RAB33A: variants seen among roughly 807,000 people sequenced by gnomAD.
The protein encoded by RAB33A is ras-related protein Rab-33A.
Under a neutral mutation model 12.0 loss-of-function variants are expected in RAB33A, and 6 were observed. The observed-to-expected ratio is 0.50, with a 90% CI of 0.27 to 0.99. RAB33A has a LOEUF of 0.99. Ranked by LOEUF, RAB33A falls within the 50% of genes least tolerant of loss-of-function variation. The probability of loss-of-function intolerance (pLI) is 0.11; values close to 1 mark genes in which losing one functional copy is unlikely to be tolerated. For missense variants in RAB33A, 109 were observed against 192.0 expected (o/e 0.57, Z 2.55); for synonymous variants, 70 against 82.4 (o/e 0.85, Z 0.81).
chrX:130,129,850 T>C, the RAB33A span: 5 of 934,611 alleles, frequency 5.3e-6, no homozygotes, highest in Non-Finnish European at 7.7e-6. Flanking sequence ...ACCTTTGTTC[T>C]GCTCAGGCAC....
chrX:130,172,288 A>G lies in RAB33A; in HGVS notation c.226A>G (p.Lys76Glu). 1 of 1,209,363 alleles carries G rather than the reference A, an allele frequency of 8.3e-7. No homozygotes were observed. The highest frequency in any genetic ancestry group is 1.1e-6 in the Non-Finnish European group (1 of 893,963). Residue 76 changes from lysine (K) to glutamate (E), a missense_variant, in exon 1 of 2, where the codon AAG becomes GAG. Lys to Glu is a moderately conservative substitution (Grantham distance 56). Coordinates refer to ENST00000257017, the MANE Select transcript of RAB33A (RefSeq NM_004794.3). ...CACCATCGGCGTGGACTTCAGGGAG[A>G]AGACCGTGGAAATCGAGGGCGAGAA... is the stretch of plus-strand genomic sequence containing the variant. Reference protein sequence around the residue: ...EATIGVDFREKTVEIEGEKIK... With the variant: ...EATIGVDFREETVEIEGEKIK...
chrX:130,154,072 C>T, the RAB33A span, among the ~76,000 whole-genome samples: 1 of 112,520 alleles, frequency 8.9e-6, no homozygotes, highest in African/African-American at 3.2e-5. Flanking sequence ...CAAAACTGTA[C>T]ATAACAGTTC....
the RAB33A span, among the ~76,000 whole-genome samples, chrX:130,146,476 TG>T: frequency 1.8e-5 from 2 of 108,145 alleles, no homozygotes; most frequent in African/African-American, 6.8e-5. Context: ...TGTGTGTGTG[TG>T]TGTGTGTGTG....
At chrX:130,166,163 A>G in the RAB33A span, among the ~76,000 whole-genome samples, 1 of 111,600 alleles carries the variant, frequency 9.0e-6, no homozygotes, top group Non-Finnish European at 1.9e-5. Context: ...GACACCAGTT[A>G]CTTGATACCG....
the RAB33A span, chrX:130,136,218 CCA>C: frequency 8.3e-7 from 1 of 1,206,456 alleles, no homozygotes; most frequent in Non-Finnish European, 1.1e-6. Flanking sequence ...CAGTCAATTA[CCA>C]CAGTTTCCAT....
chrX:130,171,782 C>T (rs2031608965), upstream of RAB33A: 1 of 352,995 alleles, frequency 2.8e-6, no homozygotes, highest in East Asian at 4.7e-5. Context: ...GCGGCTCGTC[C>T]ACTCTCCTCC....
At chrX:130,138,332 A>G in the RAB33A span, among the ~76,000 whole-genome samples, 7 of 110,230 alleles carry the variant, frequency 6.4e-5, no homozygotes, top group Non-Finnish European at 9.5e-5. Context: ...AGGCGTGGTT[A>G]CAGGCGCCTG....
At chrX:130,143,429 A>G in the RAB33A span, among the ~76,000 whole-genome samples, 1 of 111,901 alleles carries the variant, frequency 8.9e-6, no homozygotes, top group East Asian at 2.8e-4. Flanking sequence ...CAGGCTAGAA[A>G]TTAGAAAATC....
At chrX:130,123,196 G>C in the RAB33A span, among the ~76,000 whole-genome samples, 1 of 112,171 alleles carries the variant, frequency 8.9e-6, no homozygotes, top group South Asian at 3.7e-4. Flanking sequence ...CTGAAGGTGA[G>C]AGATGACCTA....
the RAB33A span, among the ~76,000 whole-genome samples, chrX:130,119,317 G>C: frequency 9.0e-6 from 1 of 111,702 alleles, no homozygotes; most frequent in Admixed American, 9.5e-5. Flanking sequence ...GTTAGAACTT[G>C]GACCCGTGGT....
chrX:130,141,875 A>C, the RAB33A span, among the ~76,000 whole-genome samples: 9 of 111,406 alleles, frequency 8.1e-5, no homozygotes, highest in African/African-American at 2.6e-4. Flanking sequence ...GCTTGCTTTC[A>C]ATTTTCTCTG....
the RAB33A span, among the ~76,000 whole-genome samples, chrX:130,121,251 TC>T: frequency 9.3e-6 from 1 of 107,204 alleles, no homozygotes; most frequent in Admixed American, 9.8e-5. Context: ...TCTTTTCTTT[TC>T]TTTTTTTTTT....
Position 130,174,134 on chromosome X carries a change from G to A in RAB33A, c.258+1814G>A, listed in dbSNP as rs774502076. Among the ~76,000 whole-genome samples, 19 of 112,298 alleles carry A rather than the reference G, an allele frequency of 1.7e-4. No homozygotes were observed. The Admixed American group carries it at 1.8e-3, about 11-fold the overall frequency. Reference sequence around the variant, plus strand: ...CTATTCCTTCTCTTCTAACACCCCAGTACTTAGCCAAACTGGACTTTACAG... The same window carrying A: ...CTATTCCTTCTCTTCTAACACCCCAATACTTAGCCAAACTGGACTTTACAG... On this transcript the variant is annotated intron_variant, in intron 1 of 1. Transcript: ENST00000257017.
At chrX:130,176,766 G>A (rs962639013) in intron 1 of RAB33A, among the ~76,000 whole-genome samples, 2 of 112,207 alleles carry the variant, frequency 1.8e-5, no homozygotes, top group African/African-American at 6.5e-5. Context: ...AGCTTTGTGT[G>A]TGGATCTTAG....
the RAB33A span, among the ~76,000 whole-genome samples, chrX:130,150,279 T>C: frequency 9.1e-6 from 1 of 109,876 alleles, no homozygotes; most frequent in African/African-American, 3.3e-5. Context: ...TTATGACCAG[T>C]TGTGTGTTGT....
chrX:130,164,697 T>C, the RAB33A span, among the ~76,000 whole-genome samples: 1 of 111,866 alleles, frequency 8.9e-6, no homozygotes, highest in Non-Finnish European at 1.9e-5. Context: ...CCCGAATTCA[T>C]TCTTAACTTT....
At chrX:130,149,462 T>C in the RAB33A span, 1 of 1,194,340 alleles carries the variant, frequency 8.4e-7, no homozygotes, top group African/African-American at 1.7e-5. Context: ...CTTAAGGGAA[T>C]ACTCACCAGA....
At chrX:130,152,589 T>C in the RAB33A span, among the ~76,000 whole-genome samples, 7 of 111,829 alleles carry the variant, frequency 6.3e-5, no homozygotes, top group African/African-American at 2.0e-4. Flanking sequence ...TGCAATCCTA[T>C]AGCTTAACAA....
At chrX:130,148,005 G>A in the RAB33A span, 52 of 846,175 alleles carry the variant, frequency 6.1e-5, no homozygotes, top group Admixed American at 2.4e-4. Flanking sequence ...TATGACCTAC[G>A]CTAATCTTAA....
Sources: gnomAD v4.1 joint callset for allele counts (sites outside exome capture counted in the v4.1 genomes callset) on GRCh38, gnomAD v4.1.1 for gene constraint, MANE v1.5 for transcripts, NCBI Gene and HGNC (gene_info 2026-07-23, HGNC 2026-07-21) for gene names.